The following FRK variants were observed in gnomAD, a reference collection of about 807,000 sequenced individuals.
FRK encodes the protein tyrosine-protein kinase FRK.
A neutral mutation model predicts 56.4 loss-of-function variants in FRK; 51 were observed. The ratio of observed to expected loss-of-function variants is 0.90; its 90% CI spans 0.72 to 1.14. FRK has a LOEUF of 1.14. Among genes scored for constraint, FRK ranks in the 50% most tolerant of loss-of-function variants. FRK has a pLI of 0.00. For missense variants in FRK, 570 were observed against 601.4 expected, an observed-to-expected ratio of 0.95 and a Z score of 0.55; for synonymous variants, 245 against 217.9, an observed-to-expected ratio of 1.12 and a Z score of -1.10.
chr6:116,075,075 C>T, the FRK span, among the ~76,000 whole-genome samples: 22 of 152,150 alleles, frequency 1.4e-4, no homozygotes, highest in African/African-American at 5.3e-4. Flanking sequence ...CTCACCAAGG[C>T]CCCTCTGATT....
intron 1 of FRK, among the ~76,000 whole-genome samples, chr6:116,043,921 G>A (rs896738464): frequency 6.6e-6 from 1 of 152,154 alleles, no homozygotes; most frequent in East Asian, 1.9e-4. Context: ...TGATCCCACA[G>A]AAGTACAAAA....
intron 2 of FRK, among the ~76,000 whole-genome samples, chr6:115,987,273 A>G (rs577855637): frequency 6.6e-6 from 1 of 152,150 alleles, no homozygotes; most frequent in Admixed American, 6.5e-5. Flanking sequence ...CTGAAAAGGA[A>G]GCTGAGGCAT....
chr6:116,017,788 G>C (rs887696033), intron 1 of FRK, among the ~76,000 whole-genome samples: 1 of 152,112 alleles, frequency 6.6e-6, no homozygotes, highest in African/African-American at 2.4e-5. Context: ...TTCTAGAAGA[G>C]GGGGACTTTC....
At chr6:116,029,463 T>C (rs1216062486) in intron 1 of FRK, among the ~76,000 whole-genome samples, 3 of 152,128 alleles carry the variant, frequency 2.0e-5, no homozygotes, top group Non-Finnish European at 2.9e-5. Flanking sequence ...ATTTATTTTA[T>C]ACATATTTAT....
chr6:115,957,096 A>G (rs1314572770), intron 4 of FRK, among the ~76,000 whole-genome samples: 1 of 152,226 alleles, frequency 6.6e-6, no homozygotes, highest in Non-Finnish European at 1.5e-5. Flanking sequence ...CTGTAGGAAC[A>G]TAGTGTGTAG....
At chr6:115,980,580 T>C (rs1224086596) in intron 2 of FRK, among the ~76,000 whole-genome samples, 3 of 152,140 alleles carry the variant, frequency 2.0e-5, no homozygotes, top group Non-Finnish European at 4.4e-5. Flanking sequence ...CTCCCTCTGC[T>C]TTCCAAACCA....
At chr6:116,063,654 T>G (rs554948353), upstream of FRK, among the ~76,000 whole-genome samples, 2 of 152,308 alleles carry the variant, frequency 1.3e-5, no homozygotes, top group East Asian at 3.9e-4. Context: ...ACTGTGGATA[T>G]GTTAATTAGC....
In FRK at chr6:116,013,020, G is replaced by A. The variant is rs117229931; in HGVS notation, c.345-9022C>T. 9.4e-3 allele frequency among the ~76,000 whole-genome samples: 1,425 copies of A among 152,294 alleles called. 10 individuals are homozygous for A. Among genetic ancestry groups the A allele is most frequent in the Non-Finnish European group, 0.016 (1,064 of 68,012 alleles). ...ATGTCAAATTAAGTATCAGAGGTAG[G>A]ACTTGCAGTCACATAGAAATCCTTT... is the stretch of plus-strand genomic sequence containing the variant. On this transcript the variant is annotated intron_variant, in intron 1 of 7. Transcript: ENST00000606080.
upstream of FRK, among the ~76,000 whole-genome samples, chr6:116,064,817 A>T (rs1322494554): frequency 6.6e-6 from 1 of 152,176 alleles, no homozygotes; most frequent in African/African-American, 2.4e-5. Context: ...AAGGCTAAGG[A>T]ATTTGTACTT....
At chr6:116,024,449 T>C (rs1371277953) in intron 1 of FRK, among the ~76,000 whole-genome samples, 4 of 142,408 alleles carry the variant, frequency 2.8e-5, no homozygotes, top group Non-Finnish European at 1.5e-5. Context: ...CAGAATGTGA[T>C]GTTCCCCTTC....
chr6:116,068,578 T>G, the FRK span, among the ~76,000 whole-genome samples: 1 of 152,206 alleles, frequency 6.6e-6, no homozygotes, highest in African/African-American at 2.4e-5. Flanking sequence ...TGGCATGCCA[T>G]GTCCTTAATA....
intron 2 of FRK, among the ~76,000 whole-genome samples, chr6:116,002,337 G>A (rs888406653): frequency 6.6e-6 from 1 of 152,224 alleles, no homozygotes; most frequent in African/African-American, 2.4e-5. Context: ...GTAAGTGACA[G>A]GCCAGGCATG....
chr6:116,089,203 C>T, the FRK span, among the ~76,000 whole-genome samples: 27 of 152,158 alleles, frequency 1.8e-4, no homozygotes, highest in Non-Finnish European at 3.5e-4. Flanking sequence ...GGCTTAAATG[C>T]TTCCATTATA....
chr6:115,968,847 A>G (rs1027224358), intron 2 of FRK, 108 bp from the exon 3 acceptor site: 20 of 908,294 alleles, frequency 2.2e-5, no homozygotes, highest in Non-Finnish European at 3.1e-5. Context: ...ATATAAAATT[A>G]TATGTGTTTC....
intron 4 of FRK, among the ~76,000 whole-genome samples, chr6:115,958,820 A>AAAAG (rs5879361): frequency 0.89 from 117,427 of 132,520 alleles, 52,387 homozygotes; most frequent in Non-Finnish European, 0.9. Context: ...GAAAGAAAGA[A>AAAAG]AAAGAAAGAA....
intron 2 of FRK, among the ~76,000 whole-genome samples, chr6:116,001,921 T>C (rs1014126909): frequency 2.0e-5 from 3 of 152,186 alleles, no homozygotes; most frequent in African/African-American, 7.2e-5. Flanking sequence ...CTTCTGAAAA[T>C]TCATTTTCAG....
At chr6:115,975,341 G>A (rs1773953400) in intron 2 of FRK, among the ~76,000 whole-genome samples, 1 of 151,894 alleles carries the variant, frequency 6.6e-6, no homozygotes, top group Admixed American at 6.6e-5. Context: ...TTAAAAATAA[G>A]ACAACAAAAG....
chr6:116,002,665 C>G (rs956301649), intron 2 of FRK: 1 of 454,020 alleles, frequency 2.2e-6, no homozygotes, highest in Non-Finnish European at 4.4e-6. Flanking sequence ...GAGTAACTGT[C>G]AGAACTAGCA....
chr6:116,073,181 A>G, the FRK span, among the ~76,000 whole-genome samples: 1 of 152,096 alleles, frequency 6.6e-6, no homozygotes, highest in Non-Finnish European at 1.5e-5. Context: ...TGATACACTC[A>G]ATTTCTTTAT....
Sources: gnomAD v4.1 joint callset for allele counts (sites outside exome capture counted in the v4.1 genomes callset) on GRCh38, gnomAD v4.1.1 for gene constraint, MANE v1.5 for transcripts, NCBI Gene and HGNC (gene_info 2026-07-23, HGNC 2026-07-21) for gene names.